KIF1B: variants seen among roughly 807,000 people sequenced by gnomAD.
KIF1B encodes the protein kinesin-like protein KIF1B.
In KIF1B, 76 loss-of-function variants were observed where a neutral mutation model predicts 241.9. The observed-to-expected ratio is 0.31, with a 90% CI of 0.26 to 0.38. The LOEUF (loss-of-function observed/expected upper bound fraction) is 0.38. Among genes scored for constraint, KIF1B ranks in the 10% least tolerant of loss-of-function variants. The probability of loss-of-function intolerance (pLI) is 1.00; values close to 1 mark genes in which losing one functional copy is unlikely to be tolerated. For missense variants in KIF1B, 1,622 were observed against 2,271.4 expected (o/e 0.71, Z 5.81); for synonymous variants, 750 against 796.7 (o/e 0.94, Z 0.99).
chr1:10,348,126 C>T lies in KIF1B; in HGVS notation c.3864+299C>T, dbSNP rs573253632. On this transcript the variant is annotated intron_variant, in intron 36 of 48. Transcript: ENST00000676179. ...ATGTCACTTTTAATACTTTTCATTTCGTGATGTTTGGAAGCTCTGTGCTTT... is the reference window on the plus strand; with the variant it reads ...ATGTCACTTTTAATACTTTTCATTTTGTGATGTTTGGAAGCTCTGTGCTTT... 2.2e-4 allele frequency among the ~76,000 whole-genome samples: 33 copies of T among 152,128 alleles called. No individual in the cohort carries two copies. In the South Asian group the frequency reaches 5.6e-3, roughly 26 times the overall value.
intron 1 of KIF1B, among the ~76,000 whole-genome samples, chr1:10,215,254 G>A (rs1646753608): frequency 7.5e-6 from 1 of 133,548 alleles, no homozygotes; most frequent in Non-Finnish European, 1.5e-5. Context: ...TCGGCTCACC[G>A]TAACCTCCAC....
At chr1:10,375,208 T>C (rs778920919) in intron 47 of KIF1B, 47 bp from the exon 48 acceptor site, 1 of 1,541,120 alleles carries the variant, frequency 6.5e-7, no homozygotes, top group South Asian at 1.1e-5. Flanking sequence ...CAGTCCCCAT[T>C]GCTGTCTCTG....
intron 22 of KIF1B, among the ~76,000 whole-genome samples, chr1:10,309,256 A>T (rs1650965557): frequency 6.6e-6 from 1 of 152,250 alleles, no homozygotes. Flanking sequence ...GAGAAGTGTT[A>T]TGCCTGAATC....
At chr1:10,323,427 C>T (rs989314503) in intron 24 of KIF1B, among the ~76,000 whole-genome samples, 4 of 152,034 alleles carry the variant, frequency 2.6e-5, no homozygotes, top group African/African-American at 9.7e-5. Flanking sequence ...TCAAGACCAG[C>T]CTGGGCAATG....
intron 2 of KIF1B, among the ~76,000 whole-genome samples, chr1:10,243,998 T>G (rs1020915267): frequency 6.6e-6 from 1 of 152,236 alleles, no homozygotes; most frequent in African/African-American, 2.4e-5. Context: ...ACATGTTTTA[T>G]AGAAGAGTTA....
At chr1:10,281,951 A>G (rs545129678) in intron 14 of KIF1B, among the ~76,000 whole-genome samples, 1 of 152,358 alleles carries the variant, frequency 6.6e-6, no homozygotes, top group South Asian at 2.1e-4. Flanking sequence ...ATCTGAAGAC[A>G]TTGTAGACTA....
chr1:10,309,915 A>G (rs568108501), intron 22 of KIF1B, among the ~76,000 whole-genome samples: 6 of 151,150 alleles, frequency 4.0e-5, no homozygotes, highest in East Asian at 1.9e-4. Context: ...TTCCTTGTAT[A>G]TGCCAAGTTT....
rs755605051 is a variant in KIF1B, at chr1:10,339,760, T to C, written c.3423-9T>C. On this transcript the variant is annotated splice_polypyrimidine_tract_variant and intron_variant, in intron 31 of 48. Transcript: ENST00000676179. ...ATTGTTCACGAGTCTTTTTATTTTT[T>C]TTATGAAGCTTTTTGCATCGCCATG... The C allele has an allele frequency of 5.6e-6, 9 of 1,613,484 alleles. No individual in the cohort carries two copies. Among genetic ancestry groups the C allele is most frequent in the Non-Finnish European group, 7.6e-6 (9 of 1,179,496 alleles).
rs1218143760 is a variant in KIF1B, at chr1:10,361,939, T to A, written c.4304+114T>A. 3 of 1,243,604 alleles carry A rather than the reference T, an allele frequency of 2.4e-6. No individual in the cohort carries two copies. In the African/African-American group the frequency reaches 4.4e-5, roughly 18 times the overall value. The allele number at this position is 1,243,604 out of a possible 1,614,324, so 77.0% of individuals were successfully genotyped here. On this transcript the variant is annotated intron_variant, in intron 40 of 48. Coordinates refer to ENST00000676179, the MANE Select transcript of KIF1B (RefSeq NM_001365951.3). ...CGGTTAGTTTACAGTTTATGAACCA[T>A]TTTGGTAACTGACACCTGGAATGTA...
intron 45 of KIF1B, 51 bp downstream of exon 45, chr1:10,371,313 T>C: frequency 6.2e-7 from 1 of 1,605,852 alleles, no homozygotes; most frequent in Non-Finnish European, 8.5e-7. Context: ...CCAAGGTAAA[T>C]GTCAACCTTC....
At chr1:10,319,219 A>C (rs1651424139) in intron 22 of KIF1B, among the ~76,000 whole-genome samples, 1 of 150,014 alleles carries the variant, frequency 6.7e-6, no homozygotes, top group South Asian at 2.1e-4. Context: ...CTCCTGCCTC[A>C]TCCTCCCAAG....
chr1:10,232,088 C>G (rs1364898051), intron 1 of KIF1B, among the ~76,000 whole-genome samples, 162 bp from the exon 2 acceptor site: 1 of 151,788 alleles, frequency 6.6e-6, no homozygotes, highest in Non-Finnish European at 1.5e-5. Flanking sequence ...TCTTAAAAAA[C>G]AAAACAAAAC....
intron 12 of KIF1B, 103 bp downstream of exon 12, chr1:10,276,502 A>G: frequency 1.3e-6 from 1 of 786,558 alleles, no homozygotes; most frequent in South Asian, 1.5e-5. Flanking sequence ...TTATTTATGT[A>G]AATAATGTTC....
Position 10,295,687 on chromosome 1 carries a change from C to T in KIF1B, c.1698C>T (p.Arg566=). The part of the protein sequence containing the change: ...TRVGQADAER[R]QDIVLSGAHI... ...TTGGCCAAGCAGATGCTGAGCGGCG[C>T]CAGGACATAGTGCTGAGCGGGGCTC... is the stretch of plus-strand genomic sequence containing the variant. The change falls in exon 19 of 49, where the codon CGC becomes CGT. Residue 566 remains arginine, a synonymous_variant. Coordinates refer to ENST00000676179, the MANE Select transcript of KIF1B (RefSeq NM_001365951.3). The T allele has an allele frequency of 6.2e-7, 1 of 1,613,754 alleles. No individual in the cohort carries two copies. The highest frequency in any genetic ancestry group is 1.3e-5 in the African/African-American group (1 of 75,006).
intron 22 of KIF1B, among the ~76,000 whole-genome samples, chr1:10,309,783 T>A (rs1429851953): frequency 6.6e-6 from 1 of 151,586 alleles, no homozygotes; most frequent in Non-Finnish European, 1.5e-5. Context: ...CTCAGGGGCT[T>A]TCCATTGCAT....
intron 10 of KIF1B, among the ~76,000 whole-genome samples, chr1:10,274,668 A>G (rs1649005136): frequency 6.6e-6 from 1 of 152,144 alleles, no homozygotes; most frequent in Non-Finnish European, 1.5e-5. Context: ...TACACATCCA[A>G]CCTGGAATGC....
chr1:10,363,641 C>T (rs1055035774), intron 41 of KIF1B, among the ~76,000 whole-genome samples: 18 of 151,864 alleles, frequency 1.2e-4, no homozygotes, highest in African/African-American at 4.1e-4. Flanking sequence ...TACAGTGAGC[C>T]GAGATTGTGC....
chr1:10,378,833 C>T lies in KIF1B; in HGVS notation c.*2246C>T, dbSNP rs1450665819. 2.5e-5 allele frequency: 6 copies of T among 242,176 alleles called. No homozygotes were observed. Among genetic ancestry groups the T allele is most frequent in the Non-Finnish European group, 4.0e-5 (5 of 123,484 alleles). The allele number at this position is 242,176 out of a possible 1,614,324, so 15.0% of individuals were successfully genotyped here. ...AAGGAAAGGATAGAATCACAGGCTG[C>T]GTCTGCACCTGAAAAGTGACCCGCG... On this transcript the variant is annotated 3_prime_UTR_variant, in exon 49 of 49. Transcript: ENST00000676179.
At chr1:10,231,106 G>A (rs1646974186) in intron 1 of KIF1B, 1 of 152,200 alleles carries the variant, frequency 6.6e-6, no homozygotes, top group Admixed American at 6.5e-5. Context: ...AGGTACTCAG[G>A]AGGCTGAGGC....
Sources: gnomAD v4.1 joint callset for allele counts (sites outside exome capture counted in the v4.1 genomes callset) on GRCh38, gnomAD v4.1.1 for gene constraint, MANE v1.5 for transcripts, NCBI Gene and HGNC (gene_info 2026-07-23, HGNC 2026-07-21) for gene names.